OPCML: variants seen among roughly 807,000 people sequenced by gnomAD.
The protein encoded by OPCML is opioid binding protein/cell adhesion molecule like.
OPCML carries 13 observed loss-of-function variants against 37.8 expected under a neutral mutation model. The observed-to-expected ratio is 0.34, with a 90% CI of 0.22 to 0.55. The LOEUF is 0.55. Among genes scored for constraint, OPCML ranks in the 20% least tolerant of loss-of-function variants. OPCML has a pLI of 0.91. For missense variants in OPCML, 341 were observed against 435.6 expected, an observed-to-expected ratio of 0.78 and a Z score of 1.93; for synonymous variants, 176 against 168.8, an observed-to-expected ratio of 1.04 and a Z score of -0.33.
chr11:133,265,185 C>T (rs1174689172), intron 1 of OPCML, among the ~76,000 whole-genome samples: 5 of 152,134 alleles, frequency 3.3e-5, no homozygotes, highest in Admixed American at 6.5e-5. Flanking sequence ...ATCTCCCTGC[C>T]GCTTCATCCT....
chr11:132,509,788 GGGCCCTC>G (rs1338331114), intron 4 of OPCML, among the ~76,000 whole-genome samples: 2 of 152,222 alleles, frequency 1.3e-5, no homozygotes, highest in African/African-American at 4.8e-5. Flanking sequence ...TGCAGGGGTG[GGGCCCTC>G]ATGGAGAACC....
chr11:133,108,878 A>G (rs1949205100), intron 1 of OPCML, among the ~76,000 whole-genome samples: 1 of 152,220 alleles, frequency 6.6e-6, no homozygotes, highest in South Asian at 2.1e-4. Context: ...GCATTCACGG[A>G]GTGCCCGCTG....
chr11:132,840,113 C>T (rs967729117), intron 2 of OPCML, among the ~76,000 whole-genome samples: 3 of 152,174 alleles, frequency 2.0e-5, no homozygotes, highest in Admixed American at 6.5e-5. Flanking sequence ...ACAGGGGCCA[C>T]AGCAGCCATC....
intron 4 of OPCML, among the ~76,000 whole-genome samples, chr11:132,504,566 T>A (rs1209795381): frequency 6.6e-6 from 1 of 152,028 alleles, no homozygotes; most frequent in Admixed American, 6.6e-5. Context: ...CACTTGGAAG[T>A]GGAAGATGCA....
chr11:132,626,532 T>C (rs937375407), intron 3 of OPCML, among the ~76,000 whole-genome samples: 1 of 152,070 alleles, frequency 6.6e-6, no homozygotes, highest in Non-Finnish European at 1.5e-5. Flanking sequence ...TCAGATAAGG[T>C]GTATAGAAGA....
At chr11:132,889,310 G>A (rs1943551147) in intron 2 of OPCML, among the ~76,000 whole-genome samples, 1 of 152,184 alleles carries the variant, frequency 6.6e-6, no homozygotes, top group South Asian at 2.1e-4. Context: ...GTGCTACAAA[G>A]TTGCTTTCTG....
chr11:132,474,871 C>T (rs868410438), intron 4 of OPCML, among the ~76,000 whole-genome samples: 1 of 152,202 alleles, frequency 6.6e-6, no homozygotes, highest in Non-Finnish European at 1.5e-5. Flanking sequence ...CCTGGCACCT[C>T]AACTGTGTGG....
chr11:133,385,550 G>T (rs139595631), intron 1 of OPCML, among the ~76,000 whole-genome samples: 514 of 152,240 alleles, frequency 3.4e-3, no homozygotes, highest in African/African-American at 0.01. Context: ...GGGTGGGGAG[G>T]ACGGGAACAC....
At chr11:133,181,293 C>A (rs1045306079) in intron 1 of OPCML, among the ~76,000 whole-genome samples, 1 of 138,110 alleles carries the variant, frequency 7.2e-6, no homozygotes, top group African/African-American at 2.8e-5. Flanking sequence ...TGATTAGGAC[C>A]AGTGGGTTGT....
intron 1 of OPCML, among the ~76,000 whole-genome samples, chr11:133,019,211 C>T (rs986423263): frequency 2.6e-5 from 4 of 152,172 alleles, no homozygotes; most frequent in African/African-American, 9.7e-5. Flanking sequence ...CTCCCATTTG[C>T]AAGACAGTGA....
intron 1 of OPCML, among the ~76,000 whole-genome samples, chr11:133,322,631 G>T (rs1943359422): frequency 6.6e-6 from 1 of 152,126 alleles, no homozygotes; most frequent in East Asian, 1.9e-4. Flanking sequence ...ACTTGAGGAA[G>T]AGCCTTCAGC....
intron 1 of OPCML, among the ~76,000 whole-genome samples, chr11:133,454,965 T>C (rs184902959): frequency 1.4e-3 from 215 of 152,322 alleles, no homozygotes; most frequent in Non-Finnish European, 2.5e-3. Flanking sequence ...AACAAGTATG[T>C]GGGATTCACC....
At chr11:133,035,012 G>T (rs1947752122) in intron 1 of OPCML, among the ~76,000 whole-genome samples, 1 of 152,140 alleles carries the variant, frequency 6.6e-6, no homozygotes, top group Non-Finnish European at 1.5e-5. Flanking sequence ...TCCCCAGTCA[G>T]GTTGATATGA....
At chr11:133,156,271 C>A (rs1053124371) in intron 1 of OPCML, among the ~76,000 whole-genome samples, 13 of 152,150 alleles carry the variant, frequency 8.5e-5, no homozygotes, top group African/African-American at 2.7e-4. Flanking sequence ...TTACCTGGAC[C>A]CTTCACCCTG....
At chr11:133,415,105 A>AT (rs1945732113) in intron 1 of OPCML, among the ~76,000 whole-genome samples, 1 of 152,098 alleles carries the variant, frequency 6.6e-6, no homozygotes, top group Non-Finnish European at 1.5e-5. Flanking sequence ...ATAACCTGAA[A>AT]ACCTTATAAA....
chr11:133,378,293 T>C (rs1187706971), intron 1 of OPCML, among the ~76,000 whole-genome samples: 1 of 152,254 alleles, frequency 6.6e-6, no homozygotes, highest in Non-Finnish European at 1.5e-5. Context: ...ACTCCACATT[T>C]TGTATGGCCT....
At chr11:132,530,275 A>G (rs990235541) in intron 3 of OPCML, among the ~76,000 whole-genome samples, 1 of 151,696 alleles carries the variant, frequency 6.6e-6, no homozygotes, top group Non-Finnish European at 1.5e-5. Context: ...ACTTGGTCTT[A>G]CTCTCTCACC....
At position 132,774,715 on chromosome 11, in the gene OPCML, C is replaced by G. The variant is rs530094641; in HGVS notation, c.147-117396G>C. On this transcript the variant is annotated intron_variant, in intron 2 of 7. Transcript: ENST00000524381. ...ATTCCCTGTCCCCCTTGCAACCTCA[C>G]CATGTTCCTCACTGTCTCCAGCAGA... 3.9e-5 allele frequency among the ~76,000 whole-genome samples: 6 copies of G among 152,312 alleles called. No individual in the cohort carries two copies. In the South Asian group the frequency reaches 1.2e-3, roughly 32 times the overall value.
intron 3 of OPCML, among the ~76,000 whole-genome samples, chr11:132,557,673 A>G (rs1286496598): frequency 1.3e-5 from 2 of 152,200 alleles, no homozygotes; most frequent in African/African-American, 4.8e-5. Flanking sequence ...AAAAAACAGT[A>G]CCTGAGCACT....
Sources: gnomAD v4.1 joint callset for allele counts (sites outside exome capture counted in the v4.1 genomes callset) on GRCh38, gnomAD v4.1.1 for gene constraint, MANE v1.5 for transcripts, NCBI Gene and HGNC (gene_info 2026-07-23, HGNC 2026-07-21) for gene names.